UBOX5: variants seen among roughly 807,000 people sequenced by gnomAD.
UBOX5 encodes the protein RING finger protein 37.
A neutral mutation model predicts 39.0 loss-of-function variants in UBOX5; 28 were observed. The ratio of observed to expected loss-of-function variants is 0.72; its 90% confidence interval spans 0.53 to 0.98. The LOEUF is 0.98. Ranked by LOEUF, UBOX5 falls within the 50% of genes least tolerant of loss-of-function variation. The pLI is 0.00. For synonymous variants in UBOX5, 283 were observed against 275.5 expected, an observed-to-expected ratio of 1.03 and a Z score of -0.27; for missense variants, 585 against 674.4, an observed-to-expected ratio of 0.87 and a Z score of 1.47.
chr20:3,152,797 T>C (rs1330346089), intron 1 of UBOX5, among the ~76,000 whole-genome samples: 2 of 151,700 alleles, frequency 1.3e-5, no homozygotes, highest in African/African-American at 2.4e-5. Context: ...TCCCAGCTAC[T>C]TGAGAGGCTG....
chr20:3,115,586 C>T, intron 3 of UBOX5, 120 bp from the exon 4 acceptor site: 2 of 1,138,494 alleles, frequency 1.8e-6, no homozygotes, highest in Non-Finnish European at 2.4e-6. Flanking sequence ...TGTAATGAAA[C>T]TCCATCCTAA....
At position 3,121,889 on chromosome 20, in the gene UBOX5, C is replaced by T. The variant is rs759112895; in HGVS notation, c.750G>A (p.Gln250=). 26 of 1,614,006 alleles carry T rather than the reference C, an allele frequency of 1.6e-5. No homozygotes were observed. The highest frequency in any genetic ancestry group is 2.0e-5 in the Non-Finnish European group (24 of 1,180,040). ...PESQQAPSSL[Q]KLAEIIQDVP... ...CATCCTGAATGATCTCGGCCAGCTT[C>T]TGCAGGCTGGAGGGAGCCTGCTGGC... Residue 250 remains glutamine (Q), a synonymous_variant, in exon 3 of 5, where the codon CAG becomes CAA. Coordinates refer to ENST00000217173, the MANE Select transcript of UBOX5 (RefSeq NM_014948.4).
intron 1 of UBOX5, among the ~76,000 whole-genome samples, chr20:3,158,704 G>A (rs563826586): frequency 1.1e-4 from 17 of 152,242 alleles, no homozygotes; most frequent in African/African-American, 3.1e-4. Context: ...TCGATCTCCT[G>A]ACCTCGTGAT....
chr20:3,138,979 AG>A (rs1555763219), intron 1 of UBOX5, among the ~76,000 whole-genome samples: 1 of 152,184 alleles, frequency 6.6e-6, no homozygotes, highest in Non-Finnish European at 1.5e-5. Context: ...AGGTTACAGA[AG>A]GGAAAAAAAA....
Position 3,149,333 on chromosome 20 carries a change from C to T in UBOX5, c.-42+10433G>A. On this transcript the variant is annotated intron_variant, in intron 1 of 4. Transcript: ENST00000217173. The surrounding 1 kb of genome is among the most constrained non-coding windows in gnomAD (Gnocchi z 4.1). ...ATCCAAATTTACACATTATAAAAAACAGGTTGAAACTACACTGCTGTCTAC... is the reference window on the plus strand; with the variant it reads ...ATCCAAATTTACACATTATAAAAAATAGGTTGAAACTACACTGCTGTCTAC... The T allele has an allele frequency of 2.1e-6, 1 of 465,940 alleles. No homozygotes were observed. 28.9% of individuals were successfully genotyped at this position (465,940 alleles called of 1,614,324 possible). A position where few individuals can be genotyped will look rare whatever the true frequency, so the allele number is the denominator to read the frequency against.
Position 3,159,821 on chromosome 20 carries a change from G to A in UBOX5, c.-97C>T, listed in dbSNP as rs1246688487. The stretch of plus-strand genomic sequence containing the variant: ...CCAAACCGGGGACGCCGCGGGCGGC[G>A]GCGACACAGATACTGGCTCCTCCGG... On this transcript the variant is annotated 5_prime_UTR_variant, in exon 1 of 5. Coordinates refer to ENST00000217173, the MANE Select transcript of UBOX5 (RefSeq NM_014948.4). 6.6e-6 allele frequency: 1 copy of A among 152,272 alleles called. No individual in the cohort carries two copies. The highest frequency in any genetic ancestry group is 2.4e-5 in the African/African-American group (1 of 41,462). The allele number at this position is 152,272 out of a possible 1,614,324, so 9.4% of individuals were successfully genotyped here. A position where few individuals can be genotyped will look rare whatever the true frequency, so the allele number is the denominator to read the frequency against.
intron 1 of UBOX5, among the ~76,000 whole-genome samples, chr20:3,134,322 T>G (rs1176098032): frequency 6.6e-6 from 1 of 152,140 alleles, no homozygotes; most frequent in Admixed American, 6.6e-5. Context: ...CTTATGTTGT[T>G]TAAAATTTTT....
chr20:3,147,552 T>TA (rs1425416629), intron 1 of UBOX5: 2 of 1,614,198 alleles, frequency 1.2e-6, no homozygotes, highest in South Asian at 2.2e-5. Flanking sequence ...AGGTCAAACT[T>TA]AGTTCTCTCC....
At chr20:3,124,345 C>A (rs6051586) in intron 1 of UBOX5, among the ~76,000 whole-genome samples, 1 of 152,174 alleles carries the variant, frequency 6.6e-6, no homozygotes, top group Non-Finnish European at 1.5e-5. Context: ...CTCGGCCTGC[C>A]GAGTGCCTGC....
chr20:3,110,508 A>G (rs2066245522), intron 4 of UBOX5, 194 bp from the exon 5 acceptor site: 5 of 622,220 alleles, frequency 8.0e-6, no homozygotes, highest in Middle Eastern at 4.4e-4. Flanking sequence ...CCTCTTCTCT[A>G]TCATCTTTGA....
rs564831109 is a variant in UBOX5 at position 3,115,166 on chromosome 20, T to TC, written c.1417+138dup. Reference sequence around the variant, plus strand: ...GGAAAAGGCAAGAGAACAGGTTCTCTCCCAGGGTGGGTGTTGGAACTGACG... The same window carrying TC: ...GGAAAAGGCAAGAGAACAGGTTCTCTCCCCAGGGTGGGTGTTGGAACTGACG... On this transcript the variant is annotated intron_variant, in intron 4 of 4. Transcript: ENST00000217173. 158 of 1,114,556 alleles carry TC rather than the reference T, an allele frequency of 1.4e-4. No individual in the cohort carries two copies. In the African/African-American group the frequency reaches 2.3e-3, roughly 16 times the overall value. The allele number at this position is 1,114,556 out of a possible 1,614,324, so 69.0% of individuals were successfully genotyped here. A position where few individuals can be genotyped will look rare whatever the true frequency, so the allele number is the denominator to read the frequency against.
rs1284798553 is a variant in UBOX5, at chr20:3,121,862, C to A, written c.777G>T (p.Val259=). ...TGATGGGATCCAGGAACTCCTCAGG[C>A]ACATCCTGAATGATCTCGGCCAGCT... The part of the protein sequence containing the change: ...LQKLAEIIQD[V]PEEFLDPITL... Residue 259 remains valine, a synonymous_variant, in exon 3 of 5, where the codon GTG becomes GTT. Transcript: ENST00000217173. 6.2e-7 allele frequency: 1 copy of A among 1,613,914 alleles called. No individual in the cohort carries two copies. Among genetic ancestry groups the A allele is most frequent in the Admixed American group, 1.7e-5 (1 of 60,006 alleles).
intron 3 of UBOX5, 97 bp downstream of exon 3, chr20:3,121,287 T>G: frequency 1.3e-6 from 2 of 1,498,848 alleles, no homozygotes; most frequent in South Asian, 2.7e-5. Flanking sequence ...GCCTCGGGAA[T>G]GTAAGCTGGC....
chr20:3,125,665 G>A lies in UBOX5; in HGVS notation c.-41-2259C>T, dbSNP rs554502179. On this transcript the variant is annotated intron_variant, in intron 1 of 4. Coordinates refer to ENST00000217173, the MANE Select transcript of UBOX5 (RefSeq NM_014948.4). ...CCGGCCACCCCGTCTGAGAAGTGAG[G>A]AGCGCCTCTGCCCGGCAGCCGCCCC... 4.7e-5 allele frequency among the ~76,000 whole-genome samples: 7 copies of A among 147,968 alleles called. No homozygotes were observed. In the East Asian group the frequency reaches 1.2e-3, roughly 26 times the overall value.
intron 1 of UBOX5, among the ~76,000 whole-genome samples, chr20:3,133,258 C>T (rs962447040): frequency 6.6e-6 from 1 of 152,148 alleles, no homozygotes; most frequent in Non-Finnish European, 1.5e-5. Context: ...CAGATGCCTT[C>T]TGCCTTAACA....
At position 3,149,818 on chromosome 20, in the gene UBOX5, G is replaced by C. The variant is rs2066606154; in HGVS notation, c.-42+9948C>G. ...AGATCACTTGAGGTCAGGAGTTCAA[G>C]ACCAGCCTGGCCAACAAGGCGAAAT... On this transcript the variant is annotated intron_variant, in intron 1 of 4. Coordinates refer to ENST00000217173, the MANE Select transcript of UBOX5 (RefSeq NM_014948.4). The surrounding 1 kb of genome is among the most constrained non-coding windows in gnomAD (Gnocchi z 4.1). Among the ~76,000 whole-genome samples the C allele has an allele frequency of 6.6e-6, 1 of 152,070 alleles. No individual in the cohort carries two copies. Among genetic ancestry groups the C allele is most frequent in the Non-Finnish European group, 1.5e-5 (1 of 68,020 alleles).
intron 3 of UBOX5, among the ~76,000 whole-genome samples, chr20:3,116,204 C>T (rs2066292738): frequency 6.6e-6 from 1 of 152,194 alleles, no homozygotes; most frequent in East Asian, 1.9e-4. Flanking sequence ...CCCACCACCC[C>T]CCAGAGGGGT....
At chr20:3,155,357 A>T (rs370526598) in intron 1 of UBOX5, among the ~76,000 whole-genome samples, 2 of 152,218 alleles carry the variant, frequency 1.3e-5, no homozygotes, top group East Asian at 3.9e-4. Flanking sequence ...TGGCGAAACC[A>T]CGTCTCTCCT....
intron 1 of UBOX5, among the ~76,000 whole-genome samples, chr20:3,142,766 C>G (rs979659071): frequency 5.6e-5 from 6 of 106,226 alleles, no homozygotes; most frequent in African/African-American, 2.0e-4. Flanking sequence ...GAGAGAAACT[C>G]TGTCTCAAAA....
Sources: allele counts gnomAD v4.1 joint callset (sites outside exome capture counted in the v4.1 genomes callset), GRCh38; gene constraint gnomAD v4.1.1; non-coding constraint Gnocchi (gnomAD v3.1); transcripts MANE v1.5; gene names NCBI Gene and HGNC (gene_info 2026-07-23, HGNC 2026-07-21).